ANK2: variants seen among roughly 807,000 people sequenced by gnomAD.
ANK2 encodes the protein ankyrin 2, also known as ankyrin-2.
In ANK2, 83 loss-of-function variants were observed where a neutral mutation model predicts 360.5. That is an observed-to-expected ratio of 0.23 (90% CI 0.19 to 0.28). ANK2 has a LOEUF of 0.28. Ranked by LOEUF, ANK2 falls within the 10% of genes least tolerant of loss-of-function variation. The pLI, the probability that ANK2 is intolerant of heterozygous loss-of-function variation, is 1.00. For missense variants in ANK2, 4,201 were observed against 4,795.7 expected (o/e 0.88, Z 3.66); for synonymous variants, 1,740 against 1,759.5 (o/e 0.99, Z 0.28).
intron 2 of ANK2, among the ~76,000 whole-genome samples, chr4:113,192,924 TAAAAAA>T (rs373250773): frequency 2.1e-4 from 29 of 136,778 alleles, no homozygotes; most frequent in African/African-American, 5.4e-4. Context: ...TTGCATTATT[TAAAAAA>T]AAAAAAAAAA....
At chr4:113,056,835 C>T (rs1194354917) in intron 1 of ANK2, among the ~76,000 whole-genome samples, 1 of 152,162 alleles carries the variant, frequency 6.6e-6, no homozygotes, top group Admixed American at 6.6e-5. Context: ...TCTTCTTAGT[C>T]ATGAGACCTG....
At chr4:113,130,258 A>G (rs1416821881) in intron 1 of ANK2, among the ~76,000 whole-genome samples, 1 of 152,156 alleles carries the variant, frequency 6.6e-6, no homozygotes, top group Admixed American at 6.5e-5. Context: ...GTCCCTCCTA[A>G]AAAGGCACTC....
rs35724152 is a variant in ANK2, at chr4:113,373,308, G to T, written c.11718G>T (p.Arg3906=). ...VKKVTRKIIR[R]YVSSEGTEKE... is the part of the protein sequence containing the mutation. Reference sequence around the variant, plus strand: ...AGGTTACTAGGAAAATCATTAGGCGGTATGTATCCTCTGAAGGCACAGAGA... The same window carrying T: ...AGGTTACTAGGAAAATCATTAGGCGTTATGTATCCTCTGAAGGCACAGAGA... Residue 3906 remains arginine, a synonymous_variant, in exon 45 of 46, where the codon CGG becomes CGT. Coordinates refer to ENST00000357077, the MANE Select transcript of ANK2 (RefSeq NM_001148.6). The T allele has an allele frequency of 6.2e-7, 1 of 1,614,138 alleles. No homozygotes were observed.
the ANK2 span, among the ~76,000 whole-genome samples, chr4:112,776,216 A>C: frequency 6.6e-6 from 1 of 152,218 alleles, no homozygotes; most frequent in Non-Finnish European, 1.5e-5. Flanking sequence ...GTAACAAAAG[A>C]TTAGCAAGAG....
chr4:112,810,531 T>C, the ANK2 span, among the ~76,000 whole-genome samples: 1 of 152,150 alleles, frequency 6.6e-6, no homozygotes, highest in African/African-American at 2.4e-5. Context: ...TGAGAAAAGT[T>C]CTGTTTCCTT....
At chr4:112,867,962 A>G (rs913673246) in intron 1 of ANK2, among the ~76,000 whole-genome samples, 3 of 152,170 alleles carry the variant, frequency 2.0e-5, no homozygotes, top group Non-Finnish European at 1.5e-5. Context: ...ATGTTTTACC[A>G]TTTGAAGAAC....
intron 1 of ANK2, among the ~76,000 whole-genome samples, chr4:113,072,284 TG>T (rs2077878098): frequency 6.6e-6 from 1 of 152,238 alleles, no homozygotes; most frequent in African/African-American, 2.4e-5. Context: ...ACTTGGTTTT[TG>T]TAACAATTTT....
chr4:113,187,490 T>G (rs1333419965), intron 2 of ANK2, among the ~76,000 whole-genome samples: 1 of 152,216 alleles, frequency 6.6e-6, no homozygotes, highest in Non-Finnish European at 1.5e-5. Context: ...AGACACTAGT[T>G]TCTTATTAAC....
At chr4:113,017,172 G>C (rs2154295473) in intron 2 of ANK2, among the ~76,000 whole-genome samples, 1 of 151,920 alleles carries the variant, frequency 6.6e-6, no homozygotes, top group South Asian at 2.1e-4. Context: ...TCTCTGTAAG[G>C]GTTTGTTTAT....
intron 1 of ANK2, among the ~76,000 whole-genome samples, chr4:113,090,250 C>G (rs896135898): frequency 2.0e-4 from 31 of 152,122 alleles, no homozygotes; most frequent in African/African-American, 7.2e-4. Context: ...CATTGATAAG[C>G]TATAGTTTTA....
At chr4:113,321,316 T>C (rs2086140417) in intron 26 of ANK2, among the ~76,000 whole-genome samples, 1 of 152,248 alleles carries the variant, frequency 6.6e-6, no homozygotes, top group Non-Finnish European at 1.5e-5. Context: ...TCTAGATCTT[T>C]CACAAATTGC....
intron 1 of ANK2, among the ~76,000 whole-genome samples, chr4:112,831,784 G>A (rs1451114851): frequency 6.6e-6 from 1 of 152,126 alleles, no homozygotes; most frequent in Non-Finnish European, 1.5e-5. Context: ...GTGAAGGTCT[G>A]CAGCTTCACT....
chr4:113,214,432 T>G, intron 4 of ANK2: 3 of 845,792 alleles, frequency 3.5e-6, no homozygotes, highest in Admixed American at 1.8e-5. Flanking sequence ...CAAAATGCTG[T>G]TTTATACAGA....
intron 6 of ANK2, 102 bp from the exon 7 acceptor site, chr4:113,237,497 A>G (rs2099392641): frequency 9.3e-6 from 11 of 1,177,416 alleles, no homozygotes; most frequent in South Asian, 3.7e-5. Flanking sequence ...GCATTTTGCC[A>G]TGTTGGAACA....
At chr4:112,967,799 CAG>C (rs1561331262) in intron 2 of ANK2, among the ~76,000 whole-genome samples, 1 of 152,144 alleles carries the variant, frequency 6.6e-6, no homozygotes. Flanking sequence ...GTGGCAGAAA[CAG>C]AGAGATAGCA....
intron 2 of ANK2, among the ~76,000 whole-genome samples, chr4:113,004,544 T>C (rs1002018039): frequency 6.6e-6 from 1 of 152,182 alleles, no homozygotes; most frequent in African/African-American, 2.4e-5. Context: ...TCATCTCCTA[T>C]GACAACAACG....
chr4:112,930,173 G>A (rs1407203296), intron 2 of ANK2, among the ~76,000 whole-genome samples: 4 of 151,912 alleles, frequency 2.6e-5, no homozygotes, highest in Non-Finnish European at 5.9e-5. Context: ...GCTGTGTCTG[G>A]TGGCTCACGT....
chr4:112,978,690 A>C (rs561348795), intron 2 of ANK2, among the ~76,000 whole-genome samples: 1 of 151,912 alleles, frequency 6.6e-6, no homozygotes, highest in Non-Finnish European at 1.5e-5. Context: ...ATTCCACTGA[A>C]TCTCTATGCC....
At chr4:112,751,956 C>A in the ANK2 span, among the ~76,000 whole-genome samples, 2 of 152,166 alleles carry the variant, frequency 1.3e-5, no homozygotes, top group African/African-American at 2.4e-5. Flanking sequence ...ACTATCAGTA[C>A]AAAGAATAGG....
Sources: allele counts gnomAD v4.1 joint callset (sites outside exome capture counted in the v4.1 genomes callset), GRCh38; gene constraint gnomAD v4.1.1; transcripts MANE v1.5; gene names NCBI Gene and HGNC (gene_info 2026-07-23, HGNC 2026-07-21).